The following ZNF407 variants were observed in gnomAD, a reference collection of about 807,000 sequenced individuals.
ZNF407 encodes zinc finger protein 407.
ZNF407 carries 17 observed loss-of-function variants against 131.2 expected under a neutral mutation model. The ratio of observed to expected loss-of-function variants is 0.13; its 90% confidence interval spans 0.09 to 0.19. The LOEUF is 0.19. Ranked by LOEUF, ZNF407 falls within the 10% of genes least tolerant of loss-of-function variation. The pLI is 1.00. For missense variants in ZNF407, 2,681 were observed against 2,830.6 expected (o/e 0.95, Z 1.20); for synonymous variants, 1,156 against 1,062.0 (o/e 1.09, Z -1.72).
intron 8 of ZNF407, among the ~76,000 whole-genome samples, chr18:75,031,154 C>G (rs1332705116): frequency 6.6e-6 from 1 of 152,178 alleles, no homozygotes; most frequent in Non-Finnish European, 1.5e-5. Context: ...TCATAATCAC[C>G]TGTAAAGGGC....
intron 4 of ZNF407, among the ~76,000 whole-genome samples, chr18:74,850,643 G>C (rs1247860929): frequency 1.3e-5 from 2 of 152,094 alleles, no homozygotes; most frequent in African/African-American, 4.8e-5. Flanking sequence ...ACAAATAAAG[G>C]CTGATGCTTT....
intron 8 of ZNF407, among the ~76,000 whole-genome samples, chr18:74,951,231 T>C (rs998030705): frequency 2.0e-5 from 3 of 152,178 alleles, no homozygotes; most frequent in Non-Finnish European, 4.4e-5. Flanking sequence ...AAGCAGAACA[T>C]GTTCACTGCA....
intron 6 of ZNF407, among the ~76,000 whole-genome samples, chr18:74,889,377 C>A (rs1971354431): frequency 6.6e-6 from 1 of 152,034 alleles, no homozygotes; most frequent in African/African-American, 2.4e-5. Context: ...ATTAAATATT[C>A]TAAATATTTC....
At chr18:74,640,832 G>A (rs1984679999) in intron 2 of ZNF407, among the ~76,000 whole-genome samples, 176 bp from the exon 3 acceptor site, 1 of 152,118 alleles carries the variant, frequency 6.6e-6, no homozygotes, top group South Asian at 2.1e-4. Flanking sequence ...AGTCTTCAGA[G>A]TAAAATAATT....
chr18:74,697,224 T>C (rs1967380831), intron 3 of ZNF407, among the ~76,000 whole-genome samples: 1 of 152,194 alleles, frequency 6.6e-6, no homozygotes, highest in Non-Finnish European at 1.5e-5. Flanking sequence ...TCACATTAGC[T>C]TTTTCATTTT....
At chr18:74,626,240 A>G (rs1267824364) in intron 1 of ZNF407, among the ~76,000 whole-genome samples, 1 of 152,230 alleles carries the variant, frequency 6.6e-6, no homozygotes, top group Non-Finnish European at 1.5e-5. Flanking sequence ...TGGGCCAAAC[A>G]GAATTCTTAT....
intron 3 of ZNF407, among the ~76,000 whole-genome samples, chr18:74,684,970 A>C (rs989525357): frequency 6.6e-6 from 1 of 152,190 alleles, no homozygotes; most frequent in African/African-American, 2.4e-5. Flanking sequence ...TCAACTTAAC[A>C]TTATTTATTG....
In ZNF407 at chr18:74,970,631, T is replaced by C. The variant is rs191187231; in HGVS notation, c.5428+49939T>C. The stretch of plus-strand genomic sequence containing the variant: ...TGCTGATGCAAGAGGTGGGTTCCCA[T>C]GGTCTTGGGCAGCTCTGCCCCTGCC... On this transcript the variant is annotated intron_variant, in intron 8 of 8. Coordinates refer to ENST00000299687, the MANE Select transcript of ZNF407 (RefSeq NM_017757.3). 9.5e-4 allele frequency among the ~76,000 whole-genome samples: 145 copies of C among 152,346 alleles called. 2 individuals carry two copies. Among genetic ancestry groups the C allele is most frequent in the African/African-American group, 3.2e-3 (134 of 41,586 alleles).
chr18:74,774,937 C>CA (rs35555037), intron 3 of ZNF407, among the ~76,000 whole-genome samples: 1 of 152,084 alleles, frequency 6.6e-6, no homozygotes, highest in Admixed American at 6.5e-5. Context: ...TGAGAGAGAG[C>CA]AAGGAAGCAG....
intron 3 of ZNF407, among the ~76,000 whole-genome samples, chr18:74,698,451 C>A (rs1397887330): frequency 1.3e-5 from 2 of 152,128 alleles, no homozygotes; most frequent in African/African-American, 2.4e-5. Context: ...TCCTTCTGAG[C>A]TGGTTATATG....
intron 8 of ZNF407, among the ~76,000 whole-genome samples, chr18:75,059,094 G>A (rs769605824): frequency 4.6e-5 from 7 of 152,150 alleles, no homozygotes; most frequent in Admixed American, 1.3e-4. Context: ...GCTAGGCTTC[G>A]TCACACCCCA....
At chr18:75,007,962 A>ATGGTTT (rs763627831) in intron 8 of ZNF407, among the ~76,000 whole-genome samples, 10 of 152,170 alleles carry the variant, frequency 6.6e-5, no homozygotes, top group Non-Finnish European at 1.5e-4. Flanking sequence ...GGAAAGGTAA[A>ATGGTTT]TGGTTTTCTC....
intron 8 of ZNF407, among the ~76,000 whole-genome samples, chr18:74,922,721 C>A (rs1971862236): frequency 6.6e-6 from 1 of 152,090 alleles, no homozygotes; most frequent in African/African-American, 2.4e-5. Flanking sequence ...CAGTGGAGAC[C>A]CTGATTCAAG....
chr18:75,037,017 AT>A (rs749542187), intron 8 of ZNF407, among the ~76,000 whole-genome samples: 2 of 152,182 alleles, frequency 1.3e-5, no homozygotes, highest in Non-Finnish European at 2.9e-5. Context: ...TCTGGGTAAA[AT>A]CACAAGCTGA....
At chr18:75,032,134 T>A (rs1405052351) in intron 8 of ZNF407, among the ~76,000 whole-genome samples, 1 of 151,684 alleles carries the variant, frequency 6.6e-6, no homozygotes, top group Admixed American at 6.6e-5. Context: ...CACTGAGGGG[T>A]TGGTTTTCTT....
intron 3 of ZNF407, among the ~76,000 whole-genome samples, chr18:74,737,455 T>C (rs1968444281): frequency 6.6e-6 from 1 of 152,234 alleles, no homozygotes; most frequent in Non-Finnish European, 1.5e-5. Flanking sequence ...TATGTACATA[T>C]GTATTAAGTA....
rs913466798 is a variant in ZNF407 at position 74,617,442 on chromosome 18, C to T, written c.-53-13525C>T. ...GCACTGCAATTCATGTATCTTTAGC[C>T]TTCTTTAATCAGGAATATTTTTGTA... On this transcript the variant is annotated intron_variant, in intron 1 of 8. Coordinates refer to ENST00000299687, the MANE Select transcript of ZNF407 (RefSeq NM_017757.3). 7.2e-4 allele frequency among the ~76,000 whole-genome samples: 110 copies of T among 152,344 alleles called. 2 individuals are homozygous for T. The highest frequency in any genetic ancestry group is 5.2e-3 in the South Asian group (25 of 4,832).
chr18:74,927,325 G>A (rs900945297), intron 8 of ZNF407, among the ~76,000 whole-genome samples: 11 of 152,090 alleles, frequency 7.2e-5, no homozygotes, highest in African/African-American at 2.7e-4. Flanking sequence ...ATAATTGATT[G>A]GCAGGTTAAT....
At position 74,890,626 on chromosome 18, in the gene ZNF407, C is replaced by T. The variant is rs550690809; in HGVS notation, c.5249+588C>T. On this transcript the variant is annotated intron_variant, in intron 7 of 8. Coordinates refer to ENST00000299687, the MANE Select transcript of ZNF407 (RefSeq NM_017757.3). ...CAGTTGTTCAACCCATTTATGGTATCTTGTCTAGAGTATAGCACTCATTTA... is the reference window on the plus strand; with the variant it reads ...CAGTTGTTCAACCCATTTATGGTATTTTGTCTAGAGTATAGCACTCATTTA... Among the ~76,000 whole-genome samples the T allele has an allele frequency of 5.9e-5, 9 of 152,226 alleles. No homozygotes were observed. The East Asian group carries it at 9.6e-4, about 16-fold the overall frequency.
Sources: gnomAD v4.1 joint callset for allele counts (sites outside exome capture counted in the v4.1 genomes callset) on GRCh38, gnomAD v4.1.1 for gene constraint, MANE v1.5 for transcripts, NCBI Gene and HGNC (gene_info 2026-07-23, HGNC 2026-07-21) for gene names.